Variants in TMPRSS9 observed in about 807,000 individuals in gnomAD.
The protein encoded by TMPRSS9 is transmembrane serine protease 9, also known as transmembrane protease serine 9.
A neutral mutation model predicts 111.4 loss-of-function variants in TMPRSS9; 113 were observed. The ratio of observed to expected loss-of-function variants is 1.01; its 90% CI spans 0.87 to 1.19. The LOEUF is 1.19. TMPRSS9 is among the 50% of genes most tolerant of loss of function. TMPRSS9 has a pLI of 0.00. For synonymous variants in TMPRSS9, 805 were observed against 659.1 expected (o/e 1.22, Z -3.39); for missense variants, 1,803 against 1,513.1 (o/e 1.19, Z -3.18).
intron 9 of TMPRSS9, among the ~76,000 whole-genome samples, chr19:2,412,354 A>C (rs543604772): frequency 6.6e-6 from 1 of 152,274 alleles, no homozygotes; most frequent in South Asian, 2.1e-4. Flanking sequence ...CAGTAAGCCA[A>C]GATCACGCCA....
Position 2,418,266 on chromosome 19 carries a change from GTCCTTCCCTCCTTT to G in TMPRSS9, c.2154+134_2154+147del, listed in dbSNP as rs1236979345. 18 of 658,170 alleles carry G rather than the reference GTCCTTCCCTCCTTT, an allele frequency of 2.7e-5. 1 individual carries two copies. The African/African-American group carries it at 6.1e-4, about 22-fold the overall frequency. The allele number at this position is 658,170 out of a possible 1,614,324, so 40.8% of individuals were successfully genotyped here. On this transcript the variant is annotated intron_variant, in intron 13 of 17. Coordinates refer to ENST00000648592, the Ensembl canonical transcript of TMPRSS9. ...TCCTTCCCCCCCTCCTTCCCTCCTTGTCCTTCCCTCCTTTTCCTTTCCTCCTTTCCTTCCCTCCC... is the reference window on the plus strand; with the variant it reads ...TCCTTCCCCCCCTCCTTCCCTCCTTGTCCTTTCCTCCTTTCCTTCCCTCCC...
intron 1 of TMPRSS9, among the ~76,000 whole-genome samples, chr19:2,369,223 G>C (rs1023647861): frequency 1.3e-4 from 20 of 152,068 alleles, no homozygotes; most frequent in African/African-American, 3.9e-4. Flanking sequence ...GGGATTACAG[G>C]CGTGAGCCAC....
intron 9 of TMPRSS9, among the ~76,000 whole-genome samples, chr19:2,412,210 A>G (rs1479876881): frequency 6.7e-6 from 1 of 150,084 alleles, no homozygotes; most frequent in African/African-American, 2.5e-5. Context: ...TTAGGGCAAC[A>G]TAGCAAAACT....
At chr19:2,383,225 G>T (rs373997909) in intron 1 of TMPRSS9, among the ~76,000 whole-genome samples, 1 of 151,974 alleles carries the variant, frequency 6.6e-6, no homozygotes, top group South Asian at 2.1e-4. Context: ...ATGGTGGCAG[G>T]CACCTGTAAT....
intron 1 of TMPRSS9, among the ~76,000 whole-genome samples, chr19:2,369,684 C>T (rs1322704474): frequency 6.6e-6 from 1 of 150,760 alleles, no homozygotes; most frequent in Non-Finnish European, 1.5e-5. Flanking sequence ...AGCGATCCTC[C>T]TGCCACAGCC....
At chr19:2,376,291 G>A (rs992896686) in intron 1 of TMPRSS9, among the ~76,000 whole-genome samples, 2 of 152,052 alleles carry the variant, frequency 1.3e-5, no homozygotes, top group African/African-American at 4.8e-5. Flanking sequence ...GTGGGGATAT[G>A]AGGCCCGCCA....
At chr19:2,405,688 G>A in intron 7 of TMPRSS9, 143 bp downstream of exon 8, 2 of 766,670 alleles carry the variant, frequency 2.6e-6, no homozygotes, top group Non-Finnish European at 3.7e-6. Context: ...TTTTGCTGTT[G>A]TTGAATCTGA....
chr19:2,366,835 C>A (rs534132361), intron 1 of TMPRSS9, among the ~76,000 whole-genome samples: 1 of 134,182 alleles, frequency 7.5e-6, no homozygotes, highest in African/African-American at 2.9e-5. Context: ...CCAGCCTGGG[C>A]GACAGAGCGA....
chr19:2,417,606 C>T (rs111633056), intron 12 of TMPRSS9, among the ~76,000 whole-genome samples: 5 of 152,146 alleles, frequency 3.3e-5, no homozygotes, highest in African/African-American at 1.2e-4. Context: ...CATGATCATG[C>T]CACTGCACTC....
intron 1 of TMPRSS9, among the ~76,000 whole-genome samples, chr19:2,383,869 C>G (rs1337013376): frequency 6.6e-6 from 1 of 151,902 alleles, no homozygotes; most frequent in Non-Finnish European, 1.5e-5. Context: ...ACAGAAACAG[C>G]TAGAATAATG....
intron 4 of TMPRSS9, among the ~76,000 whole-genome samples, chr19:2,399,993 G>A (rs778909147): frequency 2.0e-5 from 3 of 152,180 alleles, no homozygotes; most frequent in Non-Finnish European, 4.4e-5. Context: ...GCCTCCCAAA[G>A]TGCTGGGATT....
rs1035749305 is a variant in TMPRSS9 at position 2,375,888 on chromosome 19, T to A, written c.-25-13873T>A. On this transcript the variant is annotated intron_variant, in intron 1 of 17. Transcript: ENST00000649857. The stretch of plus-strand genomic sequence containing the variant: ...GAGAATTTCATTGCCTTGCTGGGAC[T>A]CCTGGAAGTCTCAGGATGAGTGAGG... 4.6e-5 allele frequency among the ~76,000 whole-genome samples: 7 copies of A among 152,202 alleles called. No individual in the cohort carries two copies. The East Asian group carries it at 1.2e-3, about 25-fold the overall frequency.
chr19:2,423,963 T>C (rs2145421612), intron 14 of TMPRSS9, 126 bp from the exon 16 acceptor site: 1 of 1,024,634 alleles, frequency 9.8e-7, no homozygotes, highest in East Asian at 3.3e-5. Flanking sequence ...TTTCCTGGGA[T>C]AGGTCCCCCA....
chr19:2,415,981 A>G (rs2145379092), intron 11 of TMPRSS9, 140 bp downstream of exon 12: 1 of 1,063,608 alleles, frequency 9.4e-7, no homozygotes, highest in African/African-American at 1.6e-5. Flanking sequence ...GCTGAGAGAC[A>G]GGAGGGAGCC....
intron 1 of TMPRSS9, among the ~76,000 whole-genome samples, chr19:2,380,014 G>T (rs1228001354): frequency 6.6e-6 from 1 of 151,838 alleles, no homozygotes; most frequent in East Asian, 1.9e-4. Flanking sequence ...AGCCTCCCAT[G>T]GTGCTGGGAT....
intron 15 of TMPRSS9, among the ~76,000 whole-genome samples, 156 bp from the exon 17 acceptor site, chr19:2,424,846 G>C (rs62122266): frequency 1.3e-5 from 2 of 152,132 alleles, no homozygotes; most frequent in African/African-American, 2.4e-5. Flanking sequence ...CTCGGTGCCT[G>C]ATGGGGGAGA....
chr19:2,360,627 T>C lies in TMPRSS9; in HGVS notation c.-26+267T>C, dbSNP rs1473284569. Among the ~76,000 whole-genome samples the C allele has an allele frequency of 2.0e-5, 3 of 151,576 alleles. 1 individual carries two copies. Among genetic ancestry groups the C allele is most frequent in the South Asian group, 2.1e-4 (1 of 4,774 alleles). ...GTTGTGTGGACTCAGGTGCCGCGTG[T>C]AGATGTGGCCGGGGTTGTGTGGACG... is the stretch of plus-strand genomic sequence containing the variant. On this transcript the variant is annotated intron_variant, in intron 1 of 17. Transcript: ENST00000649857.
At chr19:2,390,105 C>T (rs8110566) in intron 1 of TMPRSS9, among the ~76,000 whole-genome samples, 178 bp downstream of exon 2, 7,246 of 152,002 alleles carry the variant, frequency 0.048, 557 homozygotes, top group African/African-American at 0.16. Flanking sequence ...TGAGTTCCTA[C>T]GTGTGTCAGT....
At chr19:2,417,264 G>A (rs941674792) in intron 12 of TMPRSS9, among the ~76,000 whole-genome samples, 3 of 152,110 alleles carry the variant, frequency 2.0e-5, no homozygotes, top group African/African-American at 7.2e-5. Context: ...TCAGGAGTTT[G>A]AGATCAGCCT....
Sources: allele counts gnomAD v4.1 joint callset (sites outside exome capture counted in the v4.1 genomes callset), GRCh38; gene constraint gnomAD v4.1.1; transcripts MANE v1.5; gene names NCBI Gene and HGNC (gene_info 2026-07-23, HGNC 2026-07-21).